Variants in ERBB4 observed in about 807,000 individuals in gnomAD.
ERBB4 encodes the protein receptor tyrosine-protein kinase erbB-4.
A neutral mutation model predicts 158.0 loss-of-function variants in ERBB4; 42 were observed. The ratio of observed to expected loss-of-function variants is 0.27; its 90% CI spans 0.21 to 0.34. The LOEUF (loss-of-function observed/expected upper bound fraction) is 0.34. Among genes scored for constraint, ERBB4 ranks in the 10% least tolerant of loss-of-function variants. The probability of loss-of-function intolerance (pLI) is 1.00; values close to 1 mark genes in which losing one functional copy is unlikely to be tolerated. For missense variants in ERBB4, 1,333 were observed against 1,624.1 expected (o/e 0.82, Z 3.08); for synonymous variants, 583 against 558.7 (o/e 1.04, Z -0.61).
intron 1 of ERBB4, among the ~76,000 whole-genome samples, chr2:212,141,090 G>C (rs1318485376): frequency 6.6e-6 from 1 of 151,222 alleles, no homozygotes; most frequent in Non-Finnish European, 1.5e-5. Context: ...TACTTGTTTT[G>C]AATTATTTAG....
At chr2:212,286,791 G>A (rs1413434133) in intron 1 of ERBB4, among the ~76,000 whole-genome samples, 1 of 4,222 alleles carries the variant, frequency 2.4e-4, no homozygotes, top group African/African-American at 6.0e-4. Flanking sequence ...TTTTTTTTTT[G>A]TAGAGACGGG....
intron 2 of ERBB4, among the ~76,000 whole-genome samples, chr2:211,984,905 T>A (rs1229654900): frequency 6.6e-6 from 1 of 152,072 alleles, no homozygotes; most frequent in Non-Finnish European, 1.5e-5. Context: ...TATTTATTTA[T>A]TTTTTTAGTG....
At chr2:211,839,226 A>G (rs1017401612) in intron 3 of ERBB4, among the ~76,000 whole-genome samples, 1 of 151,310 alleles carries the variant, frequency 6.6e-6, no homozygotes, top group Non-Finnish European at 1.5e-5. Flanking sequence ...AGAGAAAGAG[A>G]GAAAGAAGAG....
intron 1 of ERBB4, among the ~76,000 whole-genome samples, chr2:212,340,456 G>A (rs939119863): frequency 6.6e-6 from 1 of 152,132 alleles, no homozygotes; most frequent in African/African-American, 2.4e-5. Flanking sequence ...TAGAATCAGT[G>A]GGAGCCCTGA....
At chr2:212,204,784 T>C (rs1408668858) in intron 1 of ERBB4, among the ~76,000 whole-genome samples, 1 of 151,900 alleles carries the variant, frequency 6.6e-6, no homozygotes, top group East Asian at 1.9e-4. Context: ...TTCTAAATCT[T>C]TGTCTCCCAA....
At chr2:212,325,505 A>C (rs2087783062) in intron 1 of ERBB4, among the ~76,000 whole-genome samples, 1 of 150,732 alleles carries the variant, frequency 6.6e-6, no homozygotes, top group Non-Finnish European at 1.5e-5. Flanking sequence ...AAATGCTTTA[A>C]ATCTGAAACT....
rs1249378407 is a variant in ERBB4, at chr2:211,380,513, G to A, written c.*3102C>T. The A allele has an allele frequency of 1.7e-5, 4 of 231,976 alleles. No individual in the cohort carries two copies. Among genetic ancestry groups the A allele is most frequent in the Non-Finnish European group, 3.4e-5 (4 of 117,406 alleles). 14.4% of individuals were successfully genotyped at this position (231,976 alleles called of 1,614,324 possible). On this transcript the variant is annotated 3_prime_UTR_variant, in exon 28 of 28. Coordinates refer to ENST00000342788, the MANE Select transcript of ERBB4 (RefSeq NM_005235.3). The stretch of plus-strand genomic sequence containing the variant: ...CCTCTGGAATCTGATATCCCCCCAA[G>A]CACTTTGAAGACTTTAACTGACATT...
chr2:211,444,927 G>T (rs532016349), intron 20 of ERBB4, among the ~76,000 whole-genome samples: 57 of 152,158 alleles, frequency 3.7e-4, no homozygotes, highest in South Asian at 2.1e-3. Flanking sequence ...AGTGGAATTT[G>T]AGCTTGATAT....
At chr2:211,453,300 A>T (rs1193569300) in intron 20 of ERBB4, among the ~76,000 whole-genome samples, 1 of 152,232 alleles carries the variant, frequency 6.6e-6, no homozygotes, top group Non-Finnish European at 1.5e-5. Context: ...TCATTTTAAA[A>T]GTATAATAAA....
intron 1 of ERBB4, among the ~76,000 whole-genome samples, chr2:212,479,233 G>A (rs748978329): frequency 1.2e-4 from 18 of 152,082 alleles, no homozygotes; most frequent in Non-Finnish European, 2.5e-4. Context: ...CATGTTGACA[G>A]ACTCCCTTTA....
chr2:211,682,094 T>C (rs2072370985), intron 12 of ERBB4, among the ~76,000 whole-genome samples: 2 of 74,590 alleles, frequency 2.7e-5, no homozygotes, highest in Non-Finnish European at 6.5e-5. Flanking sequence ...ACACACACAA[T>C]TGGCTCACAC....
intron 20 of ERBB4, among the ~76,000 whole-genome samples, chr2:211,543,766 G>T (rs1445069383): frequency 2.0e-5 from 3 of 148,490 alleles, no homozygotes; most frequent in Non-Finnish European, 4.5e-5. Flanking sequence ...AGCAGGCGCT[G>T]CTGTAATATC....
rs201202926 is a variant in ERBB4, at chr2:212,538,481, G to A, written c.50C>T (p.Ala17Val). ...LWVWVSLLVA[A>V]GTVQPSDSQS... ...AGAATCGCTGGGCTGGACGGTCCCC[G>A]CCGCCACGAGAAGGCTCACCCAGAC... Residue 17 changes from alanine (A) to valine (V), a missense_variant, in exon 1 of 28, where the codon GCG becomes GTG. Coordinates refer to ENST00000342788, the MANE Select transcript of ERBB4 (RefSeq NM_005235.3). The A allele has an allele frequency of 7.2e-5, 116 of 1,613,894 alleles. No individual in the cohort carries two copies. Among genetic ancestry groups the A allele is most frequent in the Non-Finnish European group, 1.9e-5 (23 of 1,179,938 alleles).
chr2:212,499,088 A>G (rs548791794), intron 1 of ERBB4, among the ~76,000 whole-genome samples: 3 of 151,958 alleles, frequency 2.0e-5, no homozygotes, highest in Non-Finnish European at 4.4e-5. Context: ...CCTTTCCTGA[A>G]TTATTCAGAT....
chr2:212,350,507 CAT>C (rs1204448737), intron 1 of ERBB4, among the ~76,000 whole-genome samples: 8 of 152,076 alleles, frequency 5.3e-5, no homozygotes, highest in South Asian at 2.1e-4. Context: ...ATATTTAAAA[CAT>C]GTGCCAACTA....
At chr2:212,123,151 C>T (rs1056071094) in intron 2 of ERBB4, among the ~76,000 whole-genome samples, 5 of 152,208 alleles carry the variant, frequency 3.3e-5, no homozygotes, top group African/African-American at 1.2e-4. Flanking sequence ...CCTGTAATCC[C>T]AGCACTTTGG....
intron 1 of ERBB4, among the ~76,000 whole-genome samples, chr2:212,144,838 TAG>T (rs1003903122): frequency 6.6e-6 from 1 of 152,154 alleles, no homozygotes; most frequent in African/African-American, 2.4e-5. Flanking sequence ...CCCAGCTGAG[TAG>T]ACAGTATAAT....
chr2:212,497,178 CAAAA>C (rs397987683), intron 1 of ERBB4, among the ~76,000 whole-genome samples: 2 of 64,358 alleles, frequency 3.1e-5, no homozygotes, highest in Admixed American at 1.5e-4. Flanking sequence ...AACTCCATCT[CAAAA>C]AAAAAAAAAA....
chr2:211,750,823 G>T (rs2075110385), intron 4 of ERBB4, 119 bp from the exon 5 acceptor site: 1 of 878,508 alleles, frequency 1.1e-6, no homozygotes, highest in Non-Finnish European at 1.9e-6. Flanking sequence ...TGTCATACTA[G>T]AGCTGAAACA....
Sources: allele counts gnomAD v4.1 joint callset (sites outside exome capture counted in the v4.1 genomes callset), GRCh38; gene constraint gnomAD v4.1.1; transcripts MANE v1.5; gene names NCBI Gene and HGNC (gene_info 2026-07-23, HGNC 2026-07-21).